Variants in ASIP observed in about 807,000 individuals in gnomAD.
The protein encoded by ASIP is agouti signaling protein.
Under a neutral mutation model 10.3 loss-of-function variants are expected in ASIP, and 11 were observed. The ratio of observed to expected loss-of-function variants is 1.07; its 90% CI spans 0.68 to 1.78. The LOEUF (loss-of-function observed/expected upper bound fraction) is 1.78, where lower values mean the gene tolerates loss of function less well. ASIP is among the 40% of genes most tolerant of loss of function. The pLI is 0.00. For synonymous variants in ASIP, 70 were observed against 70.8 expected (o/e 0.99, Z 0.06); for missense variants, 180 against 169.2 (o/e 1.06, Z -0.35).
intron 1 of ASIP, among the ~76,000 whole-genome samples, chr20:34,220,201 A>G (rs2035036586): frequency 6.6e-6 from 1 of 152,268 alleles, no homozygotes; most frequent in South Asian, 2.1e-4. Flanking sequence ...GGAACAGATA[A>G]TAAAAAGACT....
At chr20:34,251,413 G>A (rs2035474009) in intron 1 of ASIP, among the ~76,000 whole-genome samples, 1 of 151,994 alleles carries the variant, frequency 6.6e-6, no homozygotes. Context: ...TGGGACTACA[G>A]GTGCCCGCCA....
chr20:34,211,161 C>T (rs765127440), intron 1 of ASIP, among the ~76,000 whole-genome samples: 1 of 152,146 alleles, frequency 6.6e-6, no homozygotes, highest in Admixed American at 6.5e-5. Context: ...TCCCAGGTAC[C>T]TAGGACTGCA....
intron 1 of ASIP, among the ~76,000 whole-genome samples, chr20:34,258,719 T>C (rs1301979858): frequency 2.8e-4 from 12 of 42,950 alleles, no homozygotes; most frequent in Non-Finnish European, 5.5e-4. Context: ...TTATATATAT[T>C]ATAAAATATA....
rs569591816 is a variant in ASIP, at chr20:34,206,133, C to G, written c.-11+11373C>G. Among the ~76,000 whole-genome samples the G allele has an allele frequency of 7.0e-4, 106 of 152,214 alleles. 3 individuals carry two copies. The South Asian group carries it at 0.018, about 25-fold the overall frequency. ...TCAGTCTCCCAAGTAGCTGGGACTA[C>G]AGGTGCCCGCCTCTATACCAAGATA... On this transcript the variant is annotated intron_variant, in intron 1 of 3. Transcript: ENST00000568305.
rs1178910667 is a variant in ASIP, at chr20:34,200,996, C to T, written c.-11+6236C>T. Among the ~76,000 whole-genome samples the T allele has an allele frequency of 1.1e-3, 70 of 60,988 alleles. 3 individuals carry two copies. In the African/African-American group the frequency reaches 0.013, roughly 11 times the overall value. The allele number at this position is 60,988 out of a possible 152,430, so 40.0% of individuals were successfully genotyped here. ...TCCTTCCTTCCTTCCTTCCTTCCTT[C>T]CTTCCTTCCTTCCTTCCTTCCTTCT... On this transcript the variant is annotated intron_variant, in intron 1 of 3. Coordinates refer to the ASIP transcript ENST00000568305.
chr20:34,210,949 C>T (rs186759664), intron 1 of ASIP, among the ~76,000 whole-genome samples: 85 of 152,048 alleles, frequency 5.6e-4, no homozygotes, highest in Admixed American at 2.5e-3. Flanking sequence ...AGTTTGGGTA[C>T]GCTAATATTT....
chr20:34,213,807 T>C (rs1336316607), intron 1 of ASIP: 12 of 1,511,592 alleles, frequency 7.9e-6, no homozygotes, highest in Admixed American at 1.7e-5. Flanking sequence ...CCAGCAAGAA[T>C]GTCTGTAAAC....
At chr20:34,195,362 G>A (rs1401839195) in intron 1 of ASIP, among the ~76,000 whole-genome samples, 1 of 152,172 alleles carries the variant, frequency 6.6e-6, no homozygotes, top group African/African-American at 2.4e-5. Context: ...CTGAGAATAA[G>A]ATGGTTCCTT....
intron 1 of ASIP, chr20:34,214,880 CT>C (rs2034997370): frequency 6.2e-7 from 1 of 1,603,438 alleles, no homozygotes; most frequent in East Asian, 2.2e-5. Flanking sequence ...ATCAGTGCCA[CT>C]TTTGTTTCAA....
At chr20:34,215,477 C>T (rs1601574744) in intron 1 of ASIP, 1 of 1,527,294 alleles carries the variant, frequency 6.5e-7, no homozygotes, top group African/African-American at 1.4e-5. Context: ...TACAGATCTA[C>T]TCCCCTTGGA....
Position 34,262,835 on chromosome 20 carries a change from T to C in ASIP, c.164T>C (p.Leu55Pro), listed in dbSNP as rs950016975. The C allele has an allele frequency of 3.1e-6, 5 of 1,613,774 alleles. No homozygotes were observed. The highest frequency in any genetic ancestry group is 1.1e-5 in the South Asian group (1 of 91,080). ...CTCCTTTTGTCTCTCTTTGAAGCGC[T>C]GAACAAGAAATCCAAACAGATCGGC... ...LDVPSVSIVA[L>P]NKKSKQIGRK... The change falls in exon 3 of 4, where the codon CTG becomes CCG. Residue 55 changes from leucine to proline, a missense_variant. By Grantham distance (98) the Leu-to-Pro change is moderately conservative (BLOSUM62 -3). Transcript: ENST00000374954.
chr20:34,238,109 C>A (rs1463968238), upstream of ASIP, among the ~76,000 whole-genome samples: 3 of 152,144 alleles, frequency 2.0e-5, no homozygotes, highest in Non-Finnish European at 2.9e-5. Flanking sequence ...TTTGATTATA[C>A]CGTATCTTTG....
At chr20:34,196,173 CTTTTTTTTT>C (rs34524786) in intron 1 of ASIP, among the ~76,000 whole-genome samples, 3 of 83,706 alleles carry the variant, frequency 3.6e-5, no homozygotes, top group Admixed American at 1.5e-4. Context: ...AGGGAGATTT[CTTTTTTTTT>C]TTTTTTTTTT....
intron 3 of ASIP, among the ~76,000 whole-genome samples, chr20:34,265,907 A>T (rs1467638964): frequency 6.6e-6 from 1 of 150,770 alleles, no homozygotes; most frequent in African/African-American, 2.4e-5. Context: ...CCAAGATCAC[A>T]CCACTGCACC....
intron 1 of ASIP, chr20:34,245,869 T>C: frequency 3.3e-6 from 3 of 919,170 alleles, no homozygotes; most frequent in South Asian, 5.1e-5. Context: ...AGTAAATATA[T>C]ATATATGTAT....
chr20:34,209,132 C>T (rs1052859842), intron 1 of ASIP, among the ~76,000 whole-genome samples: 1 of 152,202 alleles, frequency 6.6e-6, no homozygotes, highest in Admixed American at 6.5e-5. Flanking sequence ...CTGGCTAGGA[C>T]TTGTAGTACT....
At chr20:34,207,800 A>T (rs2034947132) in intron 1 of ASIP, among the ~76,000 whole-genome samples, 1 of 141,108 alleles carries the variant, frequency 7.1e-6, no homozygotes, top group African/African-American at 3.1e-5. Flanking sequence ...TTATTTATTT[A>T]TTTATTTGAG....
At chr20:34,235,829 GAAAGAAA>G (rs1568755847) in intron 1 of ASIP, among the ~76,000 whole-genome samples, 6 of 62,682 alleles carry the variant, frequency 9.6e-5, no homozygotes, top group African/African-American at 8.7e-4. Flanking sequence ...AAGAAAGAAA[GAAAGAAA>G]GAAAGAAGGA....
chr20:34,202,966 G>A (rs900125494), intron 1 of ASIP, among the ~76,000 whole-genome samples: 16 of 151,580 alleles, frequency 1.1e-4, no homozygotes, highest in African/African-American at 2.7e-4. Flanking sequence ...CCGCCACTAC[G>A]CCCGGCTAAT....
Sources: gnomAD v4.1 joint callset for allele counts (sites outside exome capture counted in the v4.1 genomes callset) on GRCh38, gnomAD v4.1.1 for gene constraint, MANE v1.5 for transcripts, NCBI Gene and HGNC (gene_info 2026-07-23, HGNC 2026-07-21) for gene names.